The following OTOGL variants were observed in gnomAD, a reference collection of about 807,000 sequenced individuals.
OTOGL encodes the protein otogelin-like protein.
OTOGL carries 285 observed loss-of-function variants against 318.5 expected under a neutral mutation model. That is an observed-to-expected ratio of 0.89 (90% confidence interval 0.81 to 0.99). The LOEUF is 0.99. OTOGL is among the 50% of genes least tolerant of loss of function. The pLI, the probability that OTOGL is intolerant of heterozygous loss-of-function variation, is 0.00. For synonymous variants in OTOGL, 987 were observed against 936.5 expected, an observed-to-expected ratio of 1.05 and a Z score of -0.99; for missense variants, 2,899 against 2,845.6, an observed-to-expected ratio of 1.02 and a Z score of -0.43.
At chr12:80,222,412 C>T (rs1256306029) in intron 7 of OTOGL, among the ~76,000 whole-genome samples, 167 bp downstream of exon 7, 1 of 152,168 alleles carries the variant, frequency 6.6e-6, no homozygotes, top group East Asian at 1.9e-4. Flanking sequence ...CACTTCCTTC[C>T]TTCCTGATAC....
chr12:80,251,477 A>G (rs889719999), intron 11 of OTOGL, among the ~76,000 whole-genome samples: 4 of 152,218 alleles, frequency 2.6e-5, no homozygotes, highest in Non-Finnish European at 2.9e-5. Flanking sequence ...TTTGATGAAG[A>G]TTATTTATCT....
chr12:80,356,612 G>T (rs2138025605), intron 48 of OTOGL, 92 bp downstream of exon 48: 2 of 1,086,482 alleles, frequency 1.8e-6, no homozygotes, highest in South Asian at 2.0e-5. Flanking sequence ...CCAAGAGAAT[G>T]ATTTATTATA....
chr12:80,266,088 T>C (rs1431732383), intron 20 of OTOGL: 1 of 162,338 alleles, frequency 6.2e-6, no homozygotes, highest in African/African-American at 2.4e-5. Flanking sequence ...ATAAAATTTA[T>C]TGAAATATAG....
chr12:80,109,484 C>A (rs1283458292), intron 1 of OTOGL, among the ~76,000 whole-genome samples: 3 of 152,112 alleles, frequency 2.0e-5, no homozygotes, highest in Non-Finnish European at 4.4e-5. Flanking sequence ...CTATGCATTG[C>A]CAGAAATTTT....
In OTOGL at chr12:80,255,122, C is replaced by T. The variant is rs552872137; in HGVS notation, c.1524C>T (p.Ile508=). 1.8e-5 allele frequency: 28 copies of T among 1,526,352 alleles called. No individual in the cohort carries two copies. In the South Asian group the frequency reaches 3.5e-4, roughly 19 times the overall value. The allele number at this position is 1,526,352 out of a possible 1,614,324, so 94.6% of individuals were successfully genotyped here. ...CTTTTATTGGCATGTGCCAATACAT[C>T]CTCGTGAAAGGAACTGGAAAAGATA... ...HYSFIGMCQY[I]LVKGTGKDKF... The change falls in exon 16 of 59, where the codon ATC becomes ATT. Residue 508 remains isoleucine, a synonymous_variant. Coordinates refer to ENST00000547103, the MANE Select transcript of OTOGL (RefSeq NM_001378609.3).
At chr12:80,134,953 T>C (rs2137127466) in intron 1 of OTOGL, among the ~76,000 whole-genome samples, 1 of 152,316 alleles carries the variant, frequency 6.6e-6, no homozygotes, top group South Asian at 2.1e-4. Flanking sequence ...CAGCAATATC[T>C]TGGGCGTCTT....
chr12:80,151,591 G>GT (rs1226113031), intron 1 of OTOGL, among the ~76,000 whole-genome samples: 1 of 152,186 alleles, frequency 6.6e-6, no homozygotes, highest in Non-Finnish European at 1.5e-5. Context: ...ATAGGGTCAT[G>GT]TTATTCACAC....
intron 23 of OTOGL, among the ~76,000 whole-genome samples, chr12:80,270,989 A>AT (rs1325458503): frequency 6.6e-6 from 1 of 152,160 alleles, no homozygotes; most frequent in Non-Finnish European, 1.5e-5. Context: ...AGAGCTTTGA[A>AT]TTACATGCCC....
In OTOGL at chr12:80,253,508, G is replaced by A. The variant is rs1157104361; in HGVS notation, c.1328G>A (p.Cys443Tyr). 4 of 1,613,284 alleles carry A rather than the reference G, an allele frequency of 2.5e-6. No homozygotes were observed. The change falls in exon 14 of 59, where the codon TGC becomes TAC. Residue 443 changes from cysteine to tyrosine, a missense_variant. Physicochemically the swap from Cys to Tyr is radical, Grantham distance 194. Around this residue, in one of 3 missense-constraint regions of OTOGL, gnomAD observed 2,607 missense variants for 2,524.9 expected, o/e 1.03. Transcript: ENST00000547103. ...DNGTCISLEN[C>Y]PCGFHGLAYS... ...GGGACTTGCATCTCCTTGGAAAATT[G>A]CCCATGCGGTTTTCATGGATTAGCT...
intron 27 of OTOGL, among the ~76,000 whole-genome samples, chr12:80,300,577 C>T (rs1230595722): frequency 6.6e-6 from 1 of 152,092 alleles, no homozygotes; most frequent in East Asian, 1.9e-4. Flanking sequence ...GAGCATTAAA[C>T]CCCAAGAGGG....
intron 18 of OTOGL, among the ~76,000 whole-genome samples, chr12:80,261,158 T>A (rs778525297): frequency 6.6e-6 from 1 of 152,160 alleles, no homozygotes; most frequent in Non-Finnish European, 1.5e-5. Flanking sequence ...AGATAATGCC[T>A]ACTCTTCTAC....
intron 1 of OTOGL, among the ~76,000 whole-genome samples, chr12:80,146,930 C>G (rs1447792962): frequency 3.3e-5 from 5 of 151,862 alleles, no homozygotes; most frequent in African/African-American, 9.7e-5. Context: ...TTTATTGTAT[C>G]TATTTGATTC....
At chr12:80,133,210 T>C (rs1038534232) in intron 1 of OTOGL, among the ~76,000 whole-genome samples, 15 of 152,146 alleles carry the variant, frequency 9.9e-5, no homozygotes, top group African/African-American at 3.6e-4. Flanking sequence ...ATTACCTTAT[T>C]ATTTTGTTAT....
intron 4 of OTOGL, among the ~76,000 whole-genome samples, chr12:80,216,746 G>A (rs1036935442): frequency 2.0e-5 from 3 of 152,028 alleles, no homozygotes; most frequent in South Asian, 2.1e-4. Context: ...AAGTAATTAC[G>A]GAGTCAGGAT....
intron 1 of OTOGL, among the ~76,000 whole-genome samples, chr12:80,109,885 A>G (rs1018167375): frequency 6.6e-6 from 1 of 152,162 alleles, no homozygotes; most frequent in African/African-American, 2.4e-5. Flanking sequence ...ATTATCACAA[A>G]CATCACAAAA....
chr12:80,112,273 G>T (rs1869887002), intron 1 of OTOGL, among the ~76,000 whole-genome samples: 1 of 152,134 alleles, frequency 6.6e-6, no homozygotes, highest in Non-Finnish European at 1.5e-5. Flanking sequence ...AGAACTTCCA[G>T]TACTATGTGA....
chr12:80,258,906 T>C (rs904510331), intron 18 of OTOGL, among the ~76,000 whole-genome samples: 4 of 152,038 alleles, frequency 2.6e-5, no homozygotes, highest in African/African-American at 9.7e-5. Context: ...ATCAATTAAT[T>C]ATATAATGAC....
intron 1 of OTOGL, among the ~76,000 whole-genome samples, chr12:80,119,292 T>C (rs1164633440): frequency 6.6e-6 from 1 of 152,210 alleles, no homozygotes; most frequent in Non-Finnish European, 1.5e-5. Context: ...TCATTTCTCT[T>C]ACTTCTTACT....
chr12:80,141,986 T>C (rs1871976657), intron 1 of OTOGL, among the ~76,000 whole-genome samples: 1 of 152,078 alleles, frequency 6.6e-6, no homozygotes, highest in South Asian at 2.1e-4. Context: ...CTTCCTTTCT[T>C]GTCCTCCTGG....
Sources: gnomAD v4.1 joint callset for allele counts (sites outside exome capture counted in the v4.1 genomes callset) on GRCh38, gnomAD v4.1.1 for gene constraint, gnomAD v4.1.1 regional missense constraint, MANE v1.5 for transcripts, NCBI Gene and HGNC (gene_info 2026-07-23, HGNC 2026-07-21) for gene names.